The following TMOD1 variants were observed in gnomAD, a reference collection of about 807,000 sequenced individuals.
The protein encoded by TMOD1 is tropomodulin-1.
Under a neutral mutation model 40.6 loss-of-function variants are expected in TMOD1, and 17 were observed. The observed-to-expected ratio is 0.42, with a 90% CI of 0.29 to 0.63. The LOEUF (loss-of-function observed/expected upper bound fraction) is 0.63, where lower values mean the gene tolerates loss of function less well. Among genes scored for constraint, TMOD1 ranks in the 20% least tolerant of loss-of-function variants. The pLI, the probability that TMOD1 is intolerant of heterozygous loss-of-function variation, is 0.22. For missense variants in TMOD1, 391 were observed against 447.6 expected (o/e 0.87, Z 1.14); for synonymous variants, 181 against 175.0 (o/e 1.03, Z -0.27).
intron 1 of TMOD1, among the ~76,000 whole-genome samples, chr9:97,503,012 C>T (rs1367477811): frequency 3.3e-5 from 5 of 152,158 alleles, no homozygotes; most frequent in African/African-American, 1.2e-4. Context: ...CTCAGACTCT[C>T]GGAGACGACC....
intron 4 of TMOD1, chr9:97,555,402 A>G: frequency 7.4e-7 from 1 of 1,357,900 alleles, no homozygotes; most frequent in Non-Finnish European, 9.5e-7. Flanking sequence ...GCTCAAAGGG[A>G]TTATCAAATG....
At chr9:97,518,797 G>T (rs1829869159) in intron 1 of TMOD1, among the ~76,000 whole-genome samples, 1 of 152,222 alleles carries the variant, frequency 6.6e-6, no homozygotes, top group Middle Eastern at 3.2e-3. Flanking sequence ...AGAGATTCCA[G>T]AGAGGGAGGT....
chr9:97,596,268 CA>C (rs147793951), intron 9 of TMOD1, among the ~76,000 whole-genome samples: 2,135 of 152,068 alleles, frequency 0.014, 103 homozygotes, highest in East Asian at 0.13. Flanking sequence ...CCAGCTCCTC[CA>C]GGGCAGGCAC....
At chr9:97,584,658 G>A (rs1299197758) in intron 8 of TMOD1, among the ~76,000 whole-genome samples, 1 of 152,168 alleles carries the variant, frequency 6.6e-6, no homozygotes, top group African/African-American at 2.4e-5. Flanking sequence ...AGGTCACTCA[G>A]GACTTGCTTT....
At chr9:97,596,663 T>C (rs144289555) in intron 9 of TMOD1, among the ~76,000 whole-genome samples, 1 of 152,276 alleles carries the variant, frequency 6.6e-6, no homozygotes, top group East Asian at 1.9e-4. Context: ...CAGGAGGTCG[T>C]CTCTTGACAT....
Position 97,600,096 on chromosome 9 carries a change from TA to T in TMOD1, c.*402del, listed in dbSNP as rs1287488269. The T allele has an allele frequency of 9.9e-7, 1 of 1,013,162 alleles. No individual in the cohort carries two copies. The highest frequency in any genetic ancestry group is 8.8e-5 in the East Asian group (1 of 11,410). 62.8% of individuals were successfully genotyped at this position (1,013,162 alleles called of 1,614,324 possible). A position where few individuals can be genotyped will look rare whatever the true frequency, so the allele number is the denominator to read the frequency against. Reference sequence around the variant, plus strand: ...TCTTCCACATGCTTTTGAAGTATTATAAAACACTTTATTACAAATTTGTCTT... The same window carrying T: ...TCTTCCACATGCTTTTGAAGTATTATAAACACTTTATTACAAATTTGTCTT... On this transcript the variant is annotated 3_prime_UTR_variant, in exon 10 of 10. Transcript: ENST00000259365.
Position 97,501,776 on chromosome 9 carries a change from C to G in TMOD1, c.-76C>G, listed in dbSNP as rs1352488043. 5 of 152,718 alleles carry G rather than the reference C, an allele frequency of 3.3e-5. No homozygotes were observed. Among genetic ancestry groups the G allele is most frequent in the South Asian group, 3.6e-4 (2 of 5,614 alleles). 9.5% of individuals were successfully genotyped at this position (152,718 alleles called of 1,614,324 possible). On this transcript the variant is annotated 5_prime_UTR_variant, in exon 1 of 10. Transcript: ENST00000259365. ...CCGCGCCTGTTCCGCAGCCCGCGTC[C>G]GCGCCGGCCCCACAGCTCTGCGTCC...
intron 8 of TMOD1, among the ~76,000 whole-genome samples, chr9:97,589,812 T>C (rs1457606776): frequency 6.6e-6 from 1 of 152,174 alleles, no homozygotes; most frequent in Non-Finnish European, 1.5e-5. Flanking sequence ...TCTTTAACTA[T>C]TAAGTATGAT....
chr9:97,586,574 C>T (rs1336771612), intron 8 of TMOD1, among the ~76,000 whole-genome samples: 2 of 152,116 alleles, frequency 1.3e-5, no homozygotes, highest in African/African-American at 4.8e-5. Flanking sequence ...CTAATCAAGC[C>T]TGGGCAATGG....
intron 1 of TMOD1, among the ~76,000 whole-genome samples, chr9:97,518,148 A>C (rs906641109): frequency 4.6e-5 from 7 of 152,194 alleles, no homozygotes; most frequent in African/African-American, 7.2e-5. Flanking sequence ...TTGTGTCCCC[A>C]AAAAAGCTGC....
intron 2 of TMOD1, among the ~76,000 whole-genome samples, chr9:97,537,475 C>T (rs898024458): frequency 5.3e-5 from 8 of 152,228 alleles, no homozygotes; most frequent in Admixed American, 3.3e-4. Context: ...GCTTTACTGG[C>T]ACCTGTTTGC....
intron 9 of TMOD1, among the ~76,000 whole-genome samples, chr9:97,592,839 A>T (rs1015924537): frequency 1.3e-5 from 2 of 152,318 alleles, no homozygotes; most frequent in East Asian, 3.9e-4. Flanking sequence ...CTATTCATTC[A>T]TTGCTCACTG....
At chr9:97,596,313 T>G (rs1826109055) in intron 9 of TMOD1, among the ~76,000 whole-genome samples, 1 of 152,118 alleles carries the variant, frequency 6.6e-6, no homozygotes, top group African/African-American at 2.4e-5. Flanking sequence ...CTTCCGAAGC[T>G]TGCCTTGTCA....
At chr9:97,592,138 A>G (rs1282782457) in intron 9 of TMOD1, among the ~76,000 whole-genome samples, 3 of 152,204 alleles carry the variant, frequency 2.0e-5, no homozygotes, top group Non-Finnish European at 2.9e-5. Context: ...TTGAGCAATC[A>G]TGATCTTACT....
At chr9:97,595,533 CTTT>C (rs71487335) in intron 9 of TMOD1, among the ~76,000 whole-genome samples, 4 of 121,670 alleles carry the variant, frequency 3.3e-5, no homozygotes, top group African/African-American at 6.2e-5. Context: ...AACAAATTTC[CTTT>C]TTTTTTTTTT....
chr9:97,591,371 C>T lies in TMOD1; in HGVS notation c.951C>T (p.Tyr317=), dbSNP rs1005893889. The change falls in exon 9 of 10, where the codon TAC becomes TAT. Residue 317 remains tyrosine, a synonymous_variant. Transcript: ENST00000259365. Reference sequence around the variant, plus strand: ...ACGCAACACTTCTCAAATTCGGCTACCACTTTACCCAGCAAGGACCCCGGC... The same window carrying T: ...ACGCAACACTTCTCAAATTCGGCTATCACTTTACCCAGCAAGGACCCCGGC... The part of the protein sequence containing the change: ...EKNATLLKFG[Y]HFTQQGPRLR... 2 of 1,614,194 alleles carry T rather than the reference C, an allele frequency of 1.2e-6. No homozygotes were observed. Among genetic ancestry groups the T allele is most frequent in the African/African-American group, 2.7e-5 (2 of 75,040 alleles).
intron 2 of TMOD1, among the ~76,000 whole-genome samples, chr9:97,545,810 AC>A (rs1365807908): frequency 6.6e-6 from 1 of 152,128 alleles, no homozygotes; most frequent in Non-Finnish European, 1.5e-5. Context: ...CATCCAAACA[AC>A]AACTCAATCA....
intron 1 of TMOD1, among the ~76,000 whole-genome samples, chr9:97,519,236 T>A (rs1829878080): frequency 6.6e-6 from 1 of 152,226 alleles, no homozygotes; most frequent in African/African-American, 2.4e-5. Flanking sequence ...GAGGCTTTCC[T>A]GATGGATGGC....
chr9:97,512,467 A>T (rs1829719496), intron 1 of TMOD1, among the ~76,000 whole-genome samples: 1 of 152,222 alleles, frequency 6.6e-6, no homozygotes, highest in Non-Finnish European at 1.5e-5. Context: ...TATTCATAGC[A>T]CTGTTTATAA....
Sources: allele counts gnomAD v4.1 joint callset (sites outside exome capture counted in the v4.1 genomes callset), GRCh38; gene constraint gnomAD v4.1.1; transcripts MANE v1.5; gene names NCBI Gene and HGNC (gene_info 2026-07-23, HGNC 2026-07-21).